SIL1: variants seen among roughly 807,000 people sequenced by gnomAD.
SIL1 encodes the protein SIL1 nucleotide exchange factor, also known as nucleotide exchange factor SIL1.
Under a neutral mutation model 49.1 loss-of-function variants are expected in SIL1, and 40 were observed. The observed-to-expected ratio is 0.81, with a 90% confidence interval of 0.63 to 1.06. The LOEUF is 1.06. Ranked by LOEUF, SIL1 falls within the 50% of genes least tolerant of loss-of-function variation. The probability of loss-of-function intolerance (pLI) is 0.00; values close to 1 mark genes in which losing one functional copy is unlikely to be tolerated. For synonymous variants in SIL1, 253 were observed against 250.8 expected, an observed-to-expected ratio of 1.01 and a Z score of -0.08; for missense variants, 500 against 572.6, an observed-to-expected ratio of 0.87 and a Z score of 1.29.
chr5:138,984,356 T>G (rs1181071250), intron 7 of SIL1, among the ~76,000 whole-genome samples: 2 of 149,360 alleles, frequency 1.3e-5, no homozygotes, highest in Non-Finnish European at 3.0e-5. Flanking sequence ...TTGCTTTTGT[T>G]TTTTTTTTTT....
At chr5:139,113,672 G>A (rs1770926549) in intron 3 of SIL1, among the ~76,000 whole-genome samples, 1 of 152,186 alleles carries the variant, frequency 6.6e-6, no homozygotes. Context: ...CAAGCTCTAG[G>A]CCAGCCCTTG....
At chr5:138,963,229 T>C (rs1038166942) in intron 7 of SIL1, among the ~76,000 whole-genome samples, 1 of 152,172 alleles carries the variant, frequency 6.6e-6, no homozygotes, top group Non-Finnish European at 1.5e-5. Context: ...TCCAAGCTTA[T>C]AGGCAACACA....
At chr5:139,167,513 T>G (rs1190845364) in intron 1 of SIL1, among the ~76,000 whole-genome samples, 2 of 152,238 alleles carry the variant, frequency 1.3e-5, no homozygotes, top group South Asian at 4.1e-4. Context: ...AAACTGCTAA[T>G]AGAAAAATGC....
intron 7 of SIL1, 83 bp from the exon 8 acceptor site, chr5:138,951,967 T>A (rs1766791061): frequency 2.5e-6 from 3 of 1,222,494 alleles, no homozygotes. Context: ...ATGTCAGCCA[T>A]CCCTGGGGAG....
intron 6 of SIL1, chr5:139,022,449 A>G (rs1271858144): frequency 6.6e-6 from 1 of 152,364 alleles, no homozygotes; most frequent in East Asian, 1.9e-4. Context: ...TGGAATCTCC[A>G]TGACAGCAGG....
At chr5:139,040,288 A>T (rs964978486) in intron 5 of SIL1, among the ~76,000 whole-genome samples, 1 of 152,248 alleles carries the variant, frequency 6.6e-6, no homozygotes, top group East Asian at 1.9e-4. Context: ...ATAGGCTCCA[A>T]ATGAAAAGCA....
At chr5:139,057,698 C>T (rs1769486968) in intron 3 of SIL1, among the ~76,000 whole-genome samples, 1 of 152,196 alleles carries the variant, frequency 6.6e-6, no homozygotes, top group African/African-American at 2.4e-5. Context: ...GCTTTAATGG[C>T]TGTCTTAGAG....
intron 3 of SIL1, among the ~76,000 whole-genome samples, chr5:139,061,590 A>G (rs1482094819): frequency 6.6e-6 from 1 of 152,248 alleles, no homozygotes; most frequent in African/African-American, 2.4e-5. Flanking sequence ...TCAACTGAAA[A>G]GAATTTATCG....
intron 5 of SIL1, among the ~76,000 whole-genome samples, chr5:139,031,283 A>T (rs958835681): frequency 2.6e-5 from 4 of 151,634 alleles, no homozygotes; most frequent in African/African-American, 9.7e-5. Flanking sequence ...TAAATCTATG[A>T]TCTATTTTGA....
intron 3 of SIL1, among the ~76,000 whole-genome samples, chr5:139,072,619 T>C (rs1248710884): frequency 6.6e-6 from 1 of 151,982 alleles, no homozygotes; most frequent in East Asian, 1.9e-4. Context: ...TGGAAGAAAA[T>C]ACAGTGGGAA....
chr5:139,193,176 TG>T (rs1274591758), intron 1 of SIL1, among the ~76,000 whole-genome samples: 1 of 151,902 alleles, frequency 6.6e-6, no homozygotes, highest in African/African-American at 2.4e-5. Context: ...AATTGATTCT[TG>T]GGGGAAAAAA....
At chr5:139,171,641 A>G (rs919562534) in intron 1 of SIL1, among the ~76,000 whole-genome samples, 7 of 151,560 alleles carry the variant, frequency 4.6e-5, no homozygotes, top group African/African-American at 1.7e-4. Context: ...TCCCTCCACT[A>G]TTGTCCTATG....
chr5:138,991,958 GCT>G, intron 7 of SIL1, among the ~76,000 whole-genome samples: 1 of 152,330 alleles, frequency 6.6e-6, no homozygotes, highest in South Asian at 2.1e-4. Context: ...GCTGGTCAGA[GCT>G]CTCTTTCAGG....
chr5:139,078,280 C>T (rs1442351284), intron 3 of SIL1, among the ~76,000 whole-genome samples: 1 of 150,948 alleles, frequency 6.6e-6, no homozygotes, highest in South Asian at 2.1e-4. Flanking sequence ...CATATCTCTA[C>T]CAAAAAAAAA....
chr5:139,046,156 G>A (rs1033718472), intron 4 of SIL1, among the ~76,000 whole-genome samples: 6 of 152,088 alleles, frequency 3.9e-5, no homozygotes, highest in Admixed American at 1.3e-4. Flanking sequence ...GTGAAACTCC[G>A]TCTCTACTAA....
At chr5:139,084,878 A>G (rs1319156547) in intron 3 of SIL1, among the ~76,000 whole-genome samples, 1 of 152,204 alleles carries the variant, frequency 6.6e-6, no homozygotes, top group African/African-American at 2.4e-5. Flanking sequence ...TCTCAAGTAT[A>G]GTAATTAACA....
intron 7 of SIL1, among the ~76,000 whole-genome samples, chr5:138,954,373 G>A (rs901900049): frequency 2.0e-5 from 3 of 152,250 alleles, no homozygotes; most frequent in Non-Finnish European, 4.4e-5. Context: ...TGGCAGCCCT[G>A]GGCCCATGCC....
intron 5 of SIL1, 110 bp downstream of exon 5, chr5:139,042,510 A>G: frequency 1.1e-6 from 1 of 924,704 alleles, no homozygotes; most frequent in Non-Finnish European, 1.8e-6. Flanking sequence ...ATTTTACAAT[A>G]TTGTTATCCC....
rs868134821 is a variant in SIL1, at chr5:139,036,719, G to A, written c.453+5901C>T. Among the ~76,000 whole-genome samples, 4 of 152,076 alleles carry A rather than the reference G, an allele frequency of 2.6e-5. No individual in the cohort carries two copies. In the South Asian group the frequency reaches 6.2e-4, roughly 24 times the overall value. ...TGGGTGGAGGATGGGAATAGGGAGG[G>A]GATCAGGAAAAATAACTGTTGGGTA... On this transcript the variant is annotated intron_variant, in intron 5 of 9. Coordinates refer to ENST00000394817, the MANE Select transcript of SIL1 (RefSeq NM_022464.5).
Sources: gnomAD v4.1 joint callset for allele counts (sites outside exome capture counted in the v4.1 genomes callset) on GRCh38, gnomAD v4.1.1 for gene constraint, MANE v1.5 for transcripts, NCBI Gene and HGNC (gene_info 2026-07-23, HGNC 2026-07-21) for gene names.